Variants in MYLK observed in about 807,000 individuals in gnomAD.
MYLK encodes myosin light chain kinase, smooth muscle.
Under a neutral mutation model 203.4 loss-of-function variants are expected in MYLK, and 106 were observed. That is an observed-to-expected ratio of 0.52 (90% CI 0.45 to 0.61). The LOEUF (loss-of-function observed/expected upper bound fraction) is 0.61, where lower values mean the gene tolerates loss of function less well. MYLK is among the 20% of genes least tolerant of loss of function. MYLK has a pLI of 0.00. For synonymous variants in MYLK, 867 were observed against 959.5 expected, an observed-to-expected ratio of 0.90 and a Z score of 1.78; for missense variants, 2,072 against 2,442.3, an observed-to-expected ratio of 0.85 and a Z score of 3.20.
At chr3:123,651,716 C>A (rs749133728) in intron 24 of MYLK, among the ~76,000 whole-genome samples, 11 of 152,204 alleles carry the variant, frequency 7.2e-5, no homozygotes, top group Non-Finnish European at 1.5e-4. Flanking sequence ...GGCATCCAGT[C>A]CTAGAGCTGG....
chr3:123,735,250 G>A, intron 9 of MYLK, 148 bp downstream of exon 9: 1 of 1,122,494 alleles, frequency 8.9e-7, no homozygotes, highest in East Asian at 2.4e-5. Flanking sequence ...AGGAGAACAA[G>A]ACAAAACACC....
chr3:123,815,104 A>G (rs2065704283), intron 3 of MYLK, among the ~76,000 whole-genome samples: 2 of 152,130 alleles, frequency 1.3e-5, no homozygotes, highest in Admixed American at 6.6e-5. Context: ...CTTTATTTCC[A>G]TAATAATCCT....
intron 4 of MYLK, among the ~76,000 whole-genome samples, chr3:123,758,810 A>ATTT (rs1210258728): frequency 2.0e-5 from 3 of 151,868 alleles, no homozygotes; most frequent in African/African-American, 7.3e-5. Context: ...AAAGATACAG[A>ATTT]TTTTTCTTTC....
intron 24 of MYLK, among the ~76,000 whole-genome samples, chr3:123,650,899 C>G (rs902019097): frequency 1.3e-5 from 2 of 152,216 alleles, no homozygotes; most frequent in Non-Finnish European, 2.9e-5. Context: ...ACAGAAACAG[C>G]AGCTCCTCAA....
chr3:123,623,518 C>T (rs1326048942), intron 31 of MYLK: 4 of 152,134 alleles, frequency 2.6e-5, no homozygotes, highest in Non-Finnish European at 5.9e-5. Context: ...CCCAGCCTAG[C>T]TTTGCTTGTA....
chr3:123,681,310 C>T (rs1239610850), intron 20 of MYLK: 1 of 152,192 alleles, frequency 6.6e-6, no homozygotes, highest in African/African-American at 2.4e-5. Context: ...TCCTTTCTCT[C>T]TTGGCTTTTT....
chr3:123,818,123 G>A (rs1403313163), intron 3 of MYLK, among the ~76,000 whole-genome samples: 1 of 152,082 alleles, frequency 6.6e-6, no homozygotes, highest in Non-Finnish European at 1.5e-5. Context: ...ATGTCAGGGG[G>A]CACTGTATTA....
chr3:123,677,884 A>AATATATAT (rs3085284), intron 20 of MYLK, among the ~76,000 whole-genome samples: 5,596 of 52,694 alleles, frequency 0.11, 517 homozygotes, highest in Non-Finnish European at 0.14. Flanking sequence ...TAAATAAATG[A>AATATATAT]ATATATATAT....
chr3:123,759,927 G>T (rs544815264), intron 4 of MYLK, among the ~76,000 whole-genome samples: 1 of 152,292 alleles, frequency 6.6e-6, no homozygotes, highest in Non-Finnish European at 1.5e-5. Flanking sequence ...ACCCGCTCAG[G>T]TATATGAGAC....
chr3:123,685,751 G>C (rs866336186), intron 19 of MYLK, among the ~76,000 whole-genome samples: 1 of 151,846 alleles, frequency 6.6e-6, no homozygotes, highest in East Asian at 1.9e-4. Flanking sequence ...TGCCCCATCT[G>C]CCTCTGCCTC....
At chr3:123,673,169 T>TC (rs2059970228) in intron 20 of MYLK, among the ~76,000 whole-genome samples, 4 of 150,838 alleles carry the variant, frequency 2.7e-5, no homozygotes, top group Non-Finnish European at 5.9e-5. Flanking sequence ...TTCTTTTTTT[T>TC]TTTTTTTTTT....
rs555388233 is a variant in MYLK, at chr3:123,615,341, C to T, written c.5501-992G>A. 2.7e-5 allele frequency among the ~76,000 whole-genome samples: 4 copies of T among 147,974 alleles called. No individual in the cohort carries two copies. In the East Asian group the frequency reaches 8.0e-4, roughly 30 times the overall value. Reference sequence around the variant, plus strand: ...GATTGAAAATACAATTTTCTTTTTCCTTTTTTTTTTGAGACAGAGTCTCAC... The same window carrying T: ...GATTGAAAATACAATTTTCTTTTTCTTTTTTTTTTTGAGACAGAGTCTCAC... On this transcript the variant is annotated intron_variant, in intron 33 of 33. Coordinates refer to ENST00000360304, the MANE Select transcript of MYLK (RefSeq NM_053025.4).
At chr3:123,717,666 A>G (rs1296382914) in intron 13 of MYLK, among the ~76,000 whole-genome samples, 1 of 152,178 alleles carries the variant, frequency 6.6e-6, no homozygotes, top group Non-Finnish European at 1.5e-5. Flanking sequence ...AAACGCTGTG[A>G]AATATATACT....
Position 123,734,011 on chromosome 3 carries a change from GC to G in MYLK, c.984del (p.Arg330GlufsTer66), listed in dbSNP as rs775347745. 1 of 1,614,236 alleles carries G rather than the reference GC, an allele frequency of 6.2e-7. No homozygotes were observed. Among genetic ancestry groups the G allele is most frequent in the Non-Finnish European group, 8.5e-7 (1 of 1,180,042 alleles). ...ACCGGGGTCTGCGGGGCCGTTCTGG[GC>G]GAGTCCTTGCATGACTCCAGCTTGG... ...RESKLESCKD[S>X]PRTAPQTPVL... On this transcript the variant is annotated frameshift_variant, in exon 10 of 34. Coordinates refer to ENST00000360304, the MANE Select transcript of MYLK (RefSeq NM_053025.4). LOFTEE classifies it high-confidence loss of function.
chr3:123,741,408 A>T (rs1216949550), intron 5 of MYLK, among the ~76,000 whole-genome samples: 1 of 152,214 alleles, frequency 6.6e-6, no homozygotes, highest in Non-Finnish European at 1.5e-5. Flanking sequence ...TCTAGTTTTC[A>T]TTCCTGAAAG....
chr3:123,824,771 G>A (rs1370849460), intron 3 of MYLK, among the ~76,000 whole-genome samples: 1 of 152,044 alleles, frequency 6.6e-6, no homozygotes, highest in Non-Finnish European at 1.5e-5. Context: ...TGAAGCATAT[G>A]TAAATATAAT....
At chr3:123,831,393 T>C (rs1343398711) in intron 3 of MYLK, 155 bp downstream of exon 3, 1 of 1,289,472 alleles carries the variant, frequency 7.8e-7, no homozygotes, top group African/African-American at 1.5e-5. Context: ...CCTTCACTCT[T>C]ACCTGCTTGG....
In MYLK at chr3:123,634,378, C is replaced by T. The variant is rs377477871; in HGVS notation, c.4961+3693G>A. On this transcript the variant is annotated intron_variant, in intron 29 of 33. Transcript: ENST00000360304. ...CTGGCTGAGGAGCCCTGCAGTCAGA[C>T]CCTGGTCTGAGGAGGCCCCCGATGC... Among the ~76,000 whole-genome samples the T allele has an allele frequency of 2.6e-5, 4 of 152,314 alleles. No homozygotes were observed. The South Asian group carries it at 6.2e-4, about 24-fold the overall frequency.
At chr3:123,739,170 G>A (rs1053076016) in intron 6 of MYLK, 108 bp from the exon 7 acceptor site, 3 of 1,284,488 alleles carry the variant, frequency 2.3e-6, no homozygotes, top group African/African-American at 1.5e-5. Flanking sequence ...CCATCAAAGT[G>A]TAGCCTTCCC....
Sources: allele counts gnomAD v4.1 joint callset (sites outside exome capture counted in the v4.1 genomes callset), GRCh38; gene constraint gnomAD v4.1.1; transcripts MANE v1.5; gene names NCBI Gene and HGNC (gene_info 2026-07-23, HGNC 2026-07-21).